SPAG16: variants seen among roughly 807,000 people sequenced by gnomAD.
SPAG16 encodes sperm-associated antigen 16 protein.
A neutral mutation model predicts 80.4 loss-of-function variants in SPAG16; 86 were observed. That is an observed-to-expected ratio of 1.07 (90% CI 0.90 to 1.28). The LOEUF is 1.28. Among genes scored for constraint, SPAG16 ranks in the 50% most tolerant of loss-of-function variants. SPAG16 has a pLI of 0.00. For synonymous variants in SPAG16, 294 were observed against 265.9 expected (o/e 1.11, Z -1.03); for missense variants, 870 against 765.3 (o/e 1.14, Z -1.61).
At chr2:213,654,340 G>C (rs1200251007) in intron 10 of SPAG16, among the ~76,000 whole-genome samples, 1 of 147,596 alleles carries the variant, frequency 6.8e-6, no homozygotes, top group African/African-American at 2.5e-5. Flanking sequence ...ATGGACGCTT[G>C]AACATCTATT....
At chr2:213,670,872 A>C (rs916177937) in intron 10 of SPAG16, among the ~76,000 whole-genome samples, 2 of 152,256 alleles carry the variant, frequency 1.3e-5, no homozygotes, top group Non-Finnish European at 2.9e-5. Flanking sequence ...ATTACAGCAG[A>C]ATTAAAATTT....
At chr2:214,165,710 A>G (rs1391892316) in intron 15 of SPAG16, among the ~76,000 whole-genome samples, 2 of 151,144 alleles carry the variant, frequency 1.3e-5, no homozygotes, top group African/African-American at 2.4e-5. Flanking sequence ...GGGACAGCCA[A>G]CTGAGCATAA....
intron 10 of SPAG16, among the ~76,000 whole-genome samples, chr2:213,742,556 T>TTG (rs1559428574): frequency 2.0e-4 from 30 of 150,490 alleles, no homozygotes; most frequent in African/African-American, 6.3e-4. Context: ...TCTTTTTTTT[T>TTG]TTTTTTTTTT....
intron 11 of SPAG16, among the ~76,000 whole-genome samples, chr2:213,920,787 G>A (rs538752813): frequency 6.6e-6 from 1 of 152,318 alleles, no homozygotes; most frequent in African/African-American, 2.4e-5. Flanking sequence ...GTAGCATGTC[G>A]AGCCTACAGG....
chr2:213,599,065 G>T (rs527402810), intron 10 of SPAG16, among the ~76,000 whole-genome samples: 55 of 152,190 alleles, frequency 3.6e-4, no homozygotes, highest in African/African-American at 1.2e-3. Context: ...ATGTTTATTT[G>T]TTCTCTTAGG....
intron 12 of SPAG16, among the ~76,000 whole-genome samples, chr2:214,011,430 G>A (rs2047276939): frequency 6.6e-6 from 1 of 150,612 alleles, no homozygotes; most frequent in Non-Finnish European, 1.5e-5. Context: ...TAATATATTG[G>A]TATACTTCTT....
At chr2:213,291,853 G>A (rs1443301530) in intron 1 of SPAG16, among the ~76,000 whole-genome samples, 2 of 152,158 alleles carry the variant, frequency 1.3e-5, no homozygotes, top group Admixed American at 6.5e-5. Flanking sequence ...TTAGAGATGG[G>A]TATATCTGTG....
chr2:213,752,834 A>C (rs1052538368), intron 10 of SPAG16, among the ~76,000 whole-genome samples: 6 of 152,194 alleles, frequency 3.9e-5, no homozygotes, highest in African/African-American at 1.4e-4. Context: ...CTATTCAGTT[A>C]GCAGTAGAAT....
intron 9 of SPAG16, among the ~76,000 whole-genome samples, chr2:213,451,713 T>A (rs2071701247): frequency 6.6e-6 from 1 of 151,848 alleles, no homozygotes; most frequent in Non-Finnish European, 1.5e-5. Flanking sequence ...GTGAGGAGGG[T>A]GTGTCTTATC....
chr2:213,344,484 T>A (rs1276975774), intron 6 of SPAG16, among the ~76,000 whole-genome samples: 2 of 152,038 alleles, frequency 1.3e-5, no homozygotes, highest in African/African-American at 4.8e-5. Flanking sequence ...ACCCATTAAC[T>A]CATCAGTTAA....
At chr2:213,331,228 G>C (rs1302879099) in intron 5 of SPAG16, among the ~76,000 whole-genome samples, 1 of 152,196 alleles carries the variant, frequency 6.6e-6, no homozygotes, top group Non-Finnish European at 1.5e-5. Context: ...CCTGGGTCCT[G>C]AGGCCCCCAT....
chr2:214,365,979 G>GTTT (rs200531261), intron 15 of SPAG16, among the ~76,000 whole-genome samples: 30 of 140,752 alleles, frequency 2.1e-4, no homozygotes, highest in African/African-American at 7.3e-4. Flanking sequence ...TATTTGCCAG[G>GTTT]TTTTTTTTTT....
chr2:213,412,262 AG>A (rs1293214384), intron 9 of SPAG16, among the ~76,000 whole-genome samples: 1 of 152,168 alleles, frequency 6.6e-6, no homozygotes. Flanking sequence ...AATCGGAATT[AG>A]TTTAACCTGT....
At chr2:213,929,318 C>T (rs937289983) in intron 11 of SPAG16, among the ~76,000 whole-genome samples, 8 of 152,044 alleles carry the variant, frequency 5.3e-5, no homozygotes, top group Admixed American at 2.0e-4. Flanking sequence ...CCGAGCCTGA[C>T]GCCTACCCAT....
intron 12 of SPAG16, among the ~76,000 whole-genome samples, chr2:213,939,385 TGATCAAAA>T: frequency 6.6e-6 from 1 of 152,308 alleles, no homozygotes; most frequent in East Asian, 1.9e-4. Flanking sequence ...ACTTGGTCAT[TGATCAAAA>T]GATTAATTCC....
intron 9 of SPAG16, among the ~76,000 whole-genome samples, chr2:213,448,182 G>A (rs547611476): frequency 3.3e-5 from 5 of 152,330 alleles, no homozygotes; most frequent in African/African-American, 1.2e-4. Flanking sequence ...CGGCTAATGA[G>A]TCTCGAACAT....
intron 10 of SPAG16, among the ~76,000 whole-genome samples, chr2:213,567,074 A>C (rs548879206): frequency 6.6e-6 from 1 of 151,784 alleles, no homozygotes; most frequent in South Asian, 2.1e-4. Flanking sequence ...AAATCTTCTC[A>C]TGAGGAGAGT....
intron 10 of SPAG16, among the ~76,000 whole-genome samples, chr2:213,521,665 G>T (rs1408861867): frequency 6.6e-6 from 1 of 152,134 alleles, no homozygotes; most frequent in Non-Finnish European, 1.5e-5. Flanking sequence ...CTCCCTGCTG[G>T]TGTTGGTCTG....
At chr2:213,995,865 G>C (rs2046490338) in intron 12 of SPAG16, among the ~76,000 whole-genome samples, 1 of 152,176 alleles carries the variant, frequency 6.6e-6, no homozygotes, top group Non-Finnish European at 1.5e-5. Context: ...ACCTTTTCCA[G>C]GCAATGCAAT....
Sources: allele counts gnomAD v4.1 joint callset (sites outside exome capture counted in the v4.1 genomes callset), GRCh38; gene constraint gnomAD v4.1.1; transcripts MANE v1.5; gene names NCBI Gene and HGNC (gene_info 2026-07-23, HGNC 2026-07-21).